The following GCKR variants were observed in gnomAD, a reference collection of about 807,000 sequenced individuals.
The protein encoded by GCKR is glucokinase regulator.
GCKR carries 73 observed loss-of-function variants against 82.9 expected under a neutral mutation model. The observed-to-expected ratio is 0.88, with a 90% CI of 0.73 to 1.07. The LOEUF (loss-of-function observed/expected upper bound fraction) is 1.07. Ranked by LOEUF, GCKR falls within the 50% of genes least tolerant of loss-of-function variation. GCKR has a pLI of 0.00. For missense variants in GCKR, 784 were observed against 782.1 expected (o/e 1.00, Z -0.03); for synonymous variants, 294 against 291.8 (o/e 1.01, Z -0.08).
intron 16 of GCKR, among the ~76,000 whole-genome samples, chr2:27,517,325 A>G (rs1323353269): frequency 2.0e-5 from 3 of 152,182 alleles, no homozygotes; most frequent in Non-Finnish European, 4.4e-5. Flanking sequence ...TATAAAGGAA[A>G]GAGGTTTAAT....
Position 27,505,752 on chromosome 2 carries a change from G to T in GCKR, c.785G>T (p.Gly262Val), listed in dbSNP as rs1227511375. 6.2e-7 allele frequency: 1 copy of T among 1,612,224 alleles called. No homozygotes were observed. The highest frequency in any genetic ancestry group is 8.5e-7 in the Non-Finnish European group (1 of 1,178,432). ...EGLSGSSRMK[G>V]GSATKILLET... ...CTCAGCGGCTCCTCCCGGATGAAAG[G>T]TGGAAGTGCCACCAAGATTCTGCTG... The change falls in exon 10 of 19, where the codon GGT becomes GTT. Residue 262 changes from glycine to valine, a missense_variant. Transcript: ENST00000264717.
At position 27,505,750 on chromosome 2, in the gene GCKR, A is replaced by G. The variant is rs369389181; in HGVS notation, c.783A>G (p.Lys261=). 1.2e-4 allele frequency: 197 copies of G among 1,611,476 alleles called. No homozygotes were observed. The highest frequency in any genetic ancestry group is 1.6e-4 in the Non-Finnish European group (191 of 1,177,746). The change falls in exon 10 of 19, where the codon AAA becomes AAG. Residue 261 remains lysine (K), a synonymous_variant. Transcript: ENST00000264717. ...GTCTCAGCGGCTCCTCCCGGATGAA[A>G]GGTGGAAGTGCCACCAAGATTCTGC... is the stretch of plus-strand genomic sequence containing the variant. ...PEGLSGSSRM[K]GGSATKILLE...
intron 17 of GCKR, 66 bp from the exon 18 acceptor site, chr2:27,522,394 C>T (rs1205964234): frequency 2.7e-5 from 42 of 1,548,770 alleles, no homozygotes; most frequent in Non-Finnish European, 3.7e-5. Flanking sequence ...TTATTCTTCT[C>T]CCTTGACTCC....
At chr2:27,513,931 G>GTGTT (rs1669946281) in intron 16 of GCKR, among the ~76,000 whole-genome samples, 1 of 151,590 alleles carries the variant, frequency 6.6e-6, no homozygotes, top group Non-Finnish European at 1.5e-5. Flanking sequence ...GTGTGTGTGT[G>GTGTT]TGTGTGTGTG....
rs1669514970 is a variant in GCKR, at chr2:27,499,379, T to A, written c.496-18T>A. ...GAATCCTCCCAGTTACACTACCTTGTCCATCCTCCTCTCCTAGGTGGCTGC... is the reference window on the plus strand; with the variant it reads ...GAATCCTCCCAGTTACACTACCTTGACCATCCTCCTCTCCTAGGTGGCTGC... On this transcript the variant is annotated intron_variant, in intron 6 of 18. Transcript: ENST00000264717. 6.3e-7 allele frequency: 1 copy of A among 1,598,882 alleles called. No homozygotes were observed. The highest frequency in any genetic ancestry group is 8.6e-7 in the Non-Finnish European group (1 of 1,165,960).
Position 27,518,922 on chromosome 2 carries a change from G to C in GCKR, c.1557G>C (p.Ala519=). The C allele has an allele frequency of 6.2e-7, 1 of 1,613,000 alleles. No individual in the cohort carries two copies. The highest frequency in any genetic ancestry group is 1.7e-5 in the Admixed American group (1 of 60,024). Residue 519 remains alanine, a synonymous_variant, in exon 17 of 19, where the codon GCG becomes GCC. Transcript: ENST00000264717. Reference sequence around the variant, plus strand: ...GCAACTCCAAGCTCTTCTGGCGGGCGCTGGCCATGCTGCAGGTAGGGATAT... The same window carrying C: ...GCAACTCCAAGCTCTTCTGGCGGGCCCTGGCCATGCTGCAGGTAGGGATAT... The part of the protein sequence containing the change: ...RISNSKLFWR[A]LAMLQRFSGQ...
At position 27,523,391 on chromosome 2, in the gene GCKR, G is replaced by A; in HGVS notation, c.1830G>A (p.Gln610=). 1 of 1,611,674 alleles carries A rather than the reference G, an allele frequency of 6.2e-7. No homozygotes were observed. The highest frequency in any genetic ancestry group is 8.5e-7 in the Non-Finnish European group (1 of 1,180,006). The change falls in exon 19 of 19, where the codon CAG becomes CAA. Residue 610 remains glutamine, a synonymous_variant. Transcript: ENST00000264717. ...GGAGTGCTCTTGCTGGGCCAGGTCA[G>A]AAGCGCACTGCGGACCCCCTCGAGA... is the stretch of plus-strand genomic sequence containing the variant. The part of the protein sequence containing the change: ...AVRSALAGPG[Q]KRTADPLEIL...
rs756798536 is a variant in GCKR at position 27,503,519 on chromosome 2, A to T, written c.650A>T (p.Asp217Val). 4 of 1,557,532 alleles carry T rather than the reference A, an allele frequency of 2.6e-6. No homozygotes were observed. In the South Asian group the frequency reaches 4.4e-5, roughly 17 times the overall value. The change falls in exon 9 of 19, where the codon GAC (aspartate) becomes GTC (valine). Residue 217 changes from aspartate to valine, a missense_variant. Physicochemically the swap from Asp to Val is radical, Grantham distance 152. Coordinates refer to ENST00000264717, the MANE Select transcript of GCKR (RefSeq NM_001486.4). ...TGTGTCTCTCTGGACCTCAGAAATGACCCCATTGAAGACTGGAGTTCAACA... is the reference window on the plus strand; with the variant it reads ...TGTGTCTCTCTGGACCTCAGAAATGTCCCCATTGAAGACTGGAGTTCAACA... ...GFNPVSMARN[D>V]PIEDWSSTFR...
chr2:27,514,129 CTT>C (rs1013325832), intron 16 of GCKR, among the ~76,000 whole-genome samples: 128 of 151,886 alleles, frequency 8.4e-4, no homozygotes, highest in African/African-American at 3.0e-3. Context: ...ACTGGTGTGT[CTT>C]TGCCTCTAAG....
chr2:27,509,495 A>G (rs1358257829), intron 16 of GCKR: 13 of 440,582 alleles, frequency 3.0e-5, no homozygotes, highest in Non-Finnish European at 5.1e-5. Flanking sequence ...ACTCACCACC[A>G]TGACTGGCTA....
intron 16 of GCKR, among the ~76,000 whole-genome samples, chr2:27,518,049 A>AT (rs965384393): frequency 4.4e-4 from 67 of 151,594 alleles, no homozygotes; most frequent in Non-Finnish European, 7.1e-4. Context: ...TTCAACAAAC[A>AT]TTTTTTTTTC....
chr2:27,522,441 C>T lies in GCKR; in HGVS notation c.1573-19C>T. The T allele has an allele frequency of 6.2e-7, 1 of 1,613,626 alleles. No homozygotes were observed. The highest frequency in any genetic ancestry group is 2.2e-5 in the East Asian group (1 of 44,880). The stretch of plus-strand genomic sequence containing the variant: ...CTCTGGCCTTTAGCCTGACACTGAT[C>T]TTACCACTTCTTCCTTAGCGGTTCT... On this transcript the variant is annotated intron_variant, in intron 17 of 18. Coordinates refer to ENST00000264717, the MANE Select transcript of GCKR (RefSeq NM_001486.4).
chr2:27,500,657 G>A (rs2148580247), intron 7 of GCKR, among the ~76,000 whole-genome samples: 1 of 152,234 alleles, frequency 6.6e-6, no homozygotes, highest in East Asian at 1.9e-4. Flanking sequence ...GTGTCACCTG[G>A]GACTTGTTAG....
In GCKR at chr2:27,507,324, C is replaced by G. The variant is rs1669773490; in HGVS notation, c.1143+13C>G. 6.4e-7 allele frequency: 1 copy of G among 1,569,058 alleles called. No homozygotes were observed. Among genetic ancestry groups the G allele is most frequent in the Non-Finnish European group, 8.8e-7 (1 of 1,139,566 alleles). On this transcript the variant is annotated intron_variant, in intron 13 of 18. Transcript: ENST00000264717. ...GCTCACCAACCAGGTCGGAGAAGAA[C>G]AGGACTTGGGGAAGCTGGGGAGACC... is the stretch of plus-strand genomic sequence containing the variant.
intron 12 of GCKR, 32 bp downstream of exon 12, chr2:27,506,917 T>C: frequency 7.4e-7 from 1 of 1,348,556 alleles, no homozygotes; most frequent in Non-Finnish European, 1.1e-6. Flanking sequence ...TCTTCCTGCT[T>C]CCTCCTGATC....
intron 16 of GCKR, among the ~76,000 whole-genome samples, chr2:27,512,357 G>A (rs1369989947): frequency 6.6e-6 from 1 of 150,832 alleles, no homozygotes; most frequent in Non-Finnish European, 1.5e-5. Flanking sequence ...CCAACATGGT[G>A]AAACCCATCT....
intron 8 of GCKR, chr2:27,501,921 G>A: frequency 3.0e-6 from 1 of 338,912 alleles, no homozygotes; most frequent in South Asian, 2.5e-5. Context: ...TAAGAGGTCT[G>A]ATTTTGTAGG....
chr2:27,501,401 G>C (rs1156267613), intron 8 of GCKR, among the ~76,000 whole-genome samples, 172 bp downstream of exon 8: 1 of 152,212 alleles, frequency 6.6e-6, no homozygotes, highest in African/African-American at 2.4e-5. Context: ...TTGTTGGTTG[G>C]TTGAATTATT....
At chr2:27,522,427 A>C in intron 17 of GCKR, 33 bp from the exon 18 acceptor site, 1 of 1,612,700 alleles carries the variant, frequency 6.2e-7, no homozygotes, top group Non-Finnish European at 8.5e-7. Context: ...TCTGGCCTTT[A>C]GCCTGACACT....
Sources: gnomAD v4.1 joint callset for allele counts (sites outside exome capture counted in the v4.1 genomes callset) on GRCh38, gnomAD v4.1.1 for gene constraint, MANE v1.5 for transcripts, NCBI Gene and HGNC (gene_info 2026-07-23, HGNC 2026-07-21) for gene names.